PVT1: variants seen among roughly 807,000 people sequenced by gnomAD.
PVT1 encodes the protein CXCR4/PVT1 fusion.
intron 4 of PVT1, among the ~76,000 whole-genome samples, chr8:128,059,840 T>G (rs1056357052): frequency 1.3e-5 from 2 of 152,046 alleles, no homozygotes; most frequent in Non-Finnish European, 2.9e-5. Flanking sequence ...AGTGGTAGAG[T>G]TGGGGTCTTG....
chr8:127,902,740 T>C (rs1815774572), intron 3 of PVT1, among the ~76,000 whole-genome samples: 1 of 152,222 alleles, frequency 6.6e-6, no homozygotes, highest in Non-Finnish European at 1.5e-5. Flanking sequence ...TCCAGCTGCA[T>C]CCATGTTGCT....
intron 4 of PVT1, among the ~76,000 whole-genome samples, chr8:127,992,061 C>G (rs1423805295): frequency 7.0e-6 from 1 of 143,148 alleles, no homozygotes; most frequent in African/African-American, 2.6e-5. Flanking sequence ...TCAAACTTCT[C>G]TCTTTCTTAA....
At chr8:127,825,182 G>A (rs1047371094) in intron 2 of PVT1, among the ~76,000 whole-genome samples, 3 of 150,548 alleles carry the variant, frequency 2.0e-5, no homozygotes, top group African/African-American at 7.4e-5. Context: ...GTTGAGATGA[G>A]TGTTTTGGTG....
chr8:127,823,595 G>A (rs959351390), intron 2 of PVT1, among the ~76,000 whole-genome samples: 4 of 152,008 alleles, frequency 2.6e-5, no homozygotes, highest in Admixed American at 2.6e-4. Context: ...TAGACTTCTG[G>A]ACCCTCAGCA....
chr8:128,060,330 A>G (rs1039363974), intron 4 of PVT1, among the ~76,000 whole-genome samples: 1 of 152,002 alleles, frequency 6.6e-6, no homozygotes, highest in African/African-American at 2.4e-5. Context: ...TCCTTCCACC[A>G]CTCTAGTCTC....
At chr8:127,849,693 ATG>A (rs1304393374) in intron 2 of PVT1, among the ~76,000 whole-genome samples, 32 of 136,898 alleles carry the variant, frequency 2.3e-4, no homozygotes, top group African/African-American at 6.7e-4. Flanking sequence ...GCCTGTACAT[ATG>A]TGTGTGTGTG....
intron 4 of PVT1, among the ~76,000 whole-genome samples, chr8:127,992,605 C>A (rs961942809): frequency 1.3e-5 from 2 of 152,166 alleles, no homozygotes; most frequent in African/African-American, 2.4e-5. Flanking sequence ...GATGACGGAA[C>A]CTTGCCCGAG....
chr8:127,929,022 G>C (rs1489120468), intron 3 of PVT1, among the ~76,000 whole-genome samples: 12 of 152,188 alleles, frequency 7.9e-5, no homozygotes, highest in Non-Finnish European at 1.5e-5. Flanking sequence ...CCAGAATTAG[G>C]AGGGGAAAAT....
At chr8:128,029,177 C>G (rs1286388242) in intron 4 of PVT1, among the ~76,000 whole-genome samples, 2 of 152,102 alleles carry the variant, frequency 1.3e-5, no homozygotes, top group Non-Finnish European at 2.9e-5. Context: ...TTGTAGAGTG[C>G]AGTGGCTCTA....
chr8:128,037,552 C>A (rs1813480227), intron 4 of PVT1, among the ~76,000 whole-genome samples: 2 of 152,148 alleles, frequency 1.3e-5, no homozygotes. Flanking sequence ...AAGTACAGTC[C>A]ATTTGGAGGG....
chr8:127,867,771 T>C (rs1815300734), intron 2 of PVT1, among the ~76,000 whole-genome samples: 1 of 152,134 alleles, frequency 6.6e-6, no homozygotes, highest in Admixed American at 6.5e-5. Context: ...GAAGCTAAGA[T>C]CTGAGATGTC....
intron 5 of PVT1, among the ~76,000 whole-genome samples, chr8:128,081,209 G>A (rs185839605): frequency 1.7e-4 from 26 of 152,248 alleles, no homozygotes; most frequent in African/African-American, 2.6e-4. Flanking sequence ...CTTCTGCCTC[G>A]CTATAAAAGA....
chr8:128,032,674 A>G (rs1337602651), intron 4 of PVT1, among the ~76,000 whole-genome samples: 2 of 152,190 alleles, frequency 1.3e-5, no homozygotes, highest in African/African-American at 4.8e-5. Flanking sequence ...AGCCCTGCTG[A>G]TCTTGGCTGG....
chr8:127,830,084 A>T (rs1000632420), intron 2 of PVT1, among the ~76,000 whole-genome samples: 2 of 152,194 alleles, frequency 1.3e-5, no homozygotes, highest in African/African-American at 4.8e-5. Context: ...TTCTTTACTT[A>T]ACTAATTACC....
At chr8:127,877,200 G>T (rs1815415448) in intron 2 of PVT1, among the ~76,000 whole-genome samples, 1 of 152,206 alleles carries the variant, frequency 6.6e-6, no homozygotes, top group Non-Finnish European at 1.5e-5. Flanking sequence ...GAAGCAGGCT[G>T]TGGTGTGATG....
intron 4 of PVT1, among the ~76,000 whole-genome samples, chr8:128,051,785 T>C (rs185439408): frequency 9.8e-4 from 148 of 151,288 alleles, no homozygotes; most frequent in African/African-American, 3.4e-3. Flanking sequence ...TCTGTTTGGG[T>C]CTTTTTTTAT....
intron 3 of PVT1, among the ~76,000 whole-genome samples, chr8:127,985,783 C>T (rs1816962616): frequency 6.6e-6 from 1 of 152,202 alleles, no homozygotes; most frequent in Non-Finnish European, 1.5e-5. Context: ...CTTGCAGGTA[C>T]CATAGTCTAC....
intron 4 of PVT1, among the ~76,000 whole-genome samples, chr8:128,014,550 G>A (rs1199077918): frequency 6.6e-6 from 1 of 152,194 alleles, no homozygotes. Context: ...CTGTGAAGCC[G>A]CCTGGCCGTG....
intron 2 of PVT1, among the ~76,000 whole-genome samples, chr8:127,799,530 C>T (rs1039735666): frequency 2.6e-5 from 4 of 152,158 alleles, no homozygotes; most frequent in Non-Finnish European, 2.9e-5. Flanking sequence ...GGGGGCTTGC[C>T]TGTAGGGAAA....
Sources: gnomAD v4.1 joint callset for allele counts (sites outside exome capture counted in the v4.1 genomes callset) on GRCh38, gnomAD v4.1.1 for gene constraint, MANE v1.5 for transcripts, NCBI Gene and HGNC (gene_info 2026-07-23, HGNC 2026-07-21) for gene names.